The following VPS13B variants were observed in gnomAD, a reference collection of about 807,000 sequenced individuals.
VPS13B encodes the protein intermembrane lipid transfer protein VPS13B.
VPS13B carries 285 observed loss-of-function variants against 426.4 expected under a neutral mutation model. The ratio of observed to expected loss-of-function variants is 0.67; its 90% CI spans 0.61 to 0.74. The LOEUF (loss-of-function observed/expected upper bound fraction) is 0.74, where lower values mean the gene tolerates loss of function less well. VPS13B is among the 30% of genes least tolerant of loss of function. The pLI is 0.00. For synonymous variants in VPS13B, 1,676 were observed against 1,676.4 expected, an observed-to-expected ratio of 1.00 and a Z score of 0.01; for missense variants, 4,537 against 4,782.6, an observed-to-expected ratio of 0.95 and a Z score of 1.51.
intron 5 of VPS13B, among the ~76,000 whole-genome samples, chr8:99,106,823 G>C (rs1847074064): frequency 6.6e-6 from 1 of 152,210 alleles, no homozygotes. Flanking sequence ...AGGTGAGCAA[G>C]GGTTGGGGTT....
intron 17 of VPS13B, among the ~76,000 whole-genome samples, chr8:99,239,873 C>T (rs1032188885): frequency 1.3e-5 from 2 of 152,166 alleles, no homozygotes; most frequent in African/African-American, 4.8e-5. Context: ...TTCACTCTTT[C>T]CTCCTCATTT....
chr8:99,088,466 G>C lies in VPS13B; in HGVS notation c.292-7846G>C, dbSNP rs1266863853. Among the ~76,000 whole-genome samples, 8 of 152,120 alleles carry C rather than the reference G, an allele frequency of 5.3e-5. No individual in the cohort carries two copies. The East Asian group carries it at 1.5e-3, about 29-fold the overall frequency. On this transcript the variant is annotated intron_variant, in intron 3 of 61. Coordinates refer to ENST00000357162, the MANE Select transcript of VPS13B (RefSeq NM_152564.5). ...ACTGAATTAGGGAATAAAGGACAGA[G>C]GATTTTGGGGGAAACAATGGGAGAA...
chr8:99,697,270 A>C (rs1390536963), intron 35 of VPS13B: 1 of 582,528 alleles, frequency 1.7e-6, no homozygotes, highest in East Asian at 3.1e-5. Flanking sequence ...GAGCACCACA[A>C]GGAGCTGCAG....
chr8:99,115,568 G>C, intron 6 of VPS13B, 132 bp from the exon 7 acceptor site: 3 of 906,676 alleles, frequency 3.3e-6, no homozygotes, highest in Non-Finnish European at 5.0e-6. Context: ...GTATTGTTTT[G>C]ATTTAAGTAT....
chr8:99,535,165 A>G lies in VPS13B; in HGVS notation c.4745+14155A>G, dbSNP rs7006998. 5.6e-3 allele frequency among the ~76,000 whole-genome samples: 860 copies of G among 152,324 alleles called. 6 individuals carry two copies. Among genetic ancestry groups the G allele is most frequent in the Middle Eastern group, 0.014 (4 of 294 alleles). ...AATTAATAATAAATTACCTCTACACATTGTATAAGAGCACTGCTAAGCCTT... is the reference window on the plus strand; with the variant it reads ...AATTAATAATAAATTACCTCTACACGTTGTATAAGAGCACTGCTAAGCCTT... On this transcript the variant is annotated intron_variant, in intron 30 of 61. Transcript: ENST00000357162.
intron 35 of VPS13B, among the ~76,000 whole-genome samples, chr8:99,692,248 C>T (rs1358050932): frequency 6.8e-6 from 1 of 147,932 alleles, no homozygotes; most frequent in African/African-American, 2.5e-5. Context: ...ACATTTTTTT[C>T]AGCACCACAC....
chr8:99,757,558 G>T (rs1810702587), intron 39 of VPS13B, among the ~76,000 whole-genome samples: 1 of 152,134 alleles, frequency 6.6e-6, no homozygotes, highest in African/African-American at 2.4e-5. Context: ...GGACAGATGG[G>T]CAGTCATAAC....
intron 2 of VPS13B, among the ~76,000 whole-genome samples, chr8:99,033,021 A>G (rs1036324985): frequency 6.6e-6 from 1 of 152,138 alleles, no homozygotes; most frequent in African/African-American, 2.4e-5. Flanking sequence ...TAAAAGTTCA[A>G]CTATACAATT....
chr8:99,691,313 G>C (rs1319437737), intron 35 of VPS13B, among the ~76,000 whole-genome samples: 1 of 151,794 alleles, frequency 6.6e-6, no homozygotes, highest in Non-Finnish European at 1.5e-5. Flanking sequence ...GGTGATGGTT[G>C]CACAAACTTG....
chr8:99,032,214 C>T (rs1185187785), intron 2 of VPS13B, among the ~76,000 whole-genome samples: 1 of 152,210 alleles, frequency 6.6e-6, no homozygotes, highest in East Asian at 1.9e-4. Context: ...ATCTTCATTA[C>T]TTCCTGATGA....
chr8:99,499,166 G>A (rs1354559429), intron 25 of VPS13B, among the ~76,000 whole-genome samples: 1 of 152,098 alleles, frequency 6.6e-6, no homozygotes, highest in East Asian at 1.9e-4. Context: ...AAGGATGTAT[G>A]GGAAAATAGT....
At chr8:99,519,630 T>G (rs1159057670) in intron 29 of VPS13B, among the ~76,000 whole-genome samples, 2 of 152,012 alleles carry the variant, frequency 1.3e-5, no homozygotes, top group East Asian at 1.9e-4. Context: ...CCATAAAAAA[T>G]GATGAGTTCA....
At chr8:99,455,869 G>A (rs1197850246) in intron 23 of VPS13B, among the ~76,000 whole-genome samples, 3 of 152,134 alleles carry the variant, frequency 2.0e-5, no homozygotes, top group African/African-American at 2.4e-5. Context: ...TTCACCAGTT[G>A]ATATGTACTT....
intron 3 of VPS13B, among the ~76,000 whole-genome samples, chr8:99,090,414 C>G (rs945008955): frequency 7.9e-5 from 12 of 151,898 alleles, no homozygotes; most frequent in African/African-American, 2.4e-5. Flanking sequence ...ATTACAGGTG[C>G]AAAGCACCAC....
intron 19 of VPS13B, among the ~76,000 whole-genome samples, chr8:99,363,151 T>C (rs1332432781): frequency 6.6e-6 from 1 of 152,220 alleles, no homozygotes; most frequent in African/African-American, 2.4e-5. Context: ...GATTTAAGTC[T>C]TTAATCTACT....
At chr8:99,072,442 C>T (rs1844899116) in intron 3 of VPS13B, among the ~76,000 whole-genome samples, 1 of 152,118 alleles carries the variant, frequency 6.6e-6, no homozygotes, top group South Asian at 2.1e-4. Flanking sequence ...TGGTTGAGGG[C>T]ATCCAAGTTG....
intron 14 of VPS13B, among the ~76,000 whole-genome samples, chr8:99,154,861 A>G (rs1462767616): frequency 6.6e-6 from 1 of 152,126 alleles, no homozygotes; most frequent in Non-Finnish European, 1.5e-5. Context: ...CAAAGCCTCT[A>G]TAATTTTTTA....
At chr8:99,452,161 G>C (rs1818229605) in intron 23 of VPS13B, among the ~76,000 whole-genome samples, 1 of 152,080 alleles carries the variant, frequency 6.6e-6, no homozygotes, top group African/African-American at 2.4e-5. Flanking sequence ...TCCAGCCCTA[G>C]TAACCTTTCT....
At chr8:99,031,257 A>G (rs1219698883) in intron 2 of VPS13B, among the ~76,000 whole-genome samples, 5 of 152,040 alleles carry the variant, frequency 3.3e-5, no homozygotes, top group African/African-American at 1.2e-4. Context: ...TTTTTATGGC[A>G]TATATCTGTT....
Sources: gnomAD v4.1 joint callset for allele counts (sites outside exome capture counted in the v4.1 genomes callset) on GRCh38, gnomAD v4.1.1 for gene constraint, MANE v1.5 for transcripts, NCBI Gene and HGNC (gene_info 2026-07-23, HGNC 2026-07-21) for gene names.